VWC2: variants seen among roughly 807,000 people sequenced by gnomAD.
VWC2 encodes the protein brorin.
VWC2 carries 14 observed loss-of-function variants against 29.8 expected under a neutral mutation model. The ratio of observed to expected loss-of-function variants is 0.47; its 90% CI spans 0.31 to 0.74. VWC2 has a LOEUF of 0.74. VWC2 is among the 30% of genes least tolerant of loss of function. VWC2 has a pLI of 0.05. For synonymous variants in VWC2, 213 were observed against 199.0 expected, an observed-to-expected ratio of 1.07 and a Z score of -0.59; for missense variants, 457 against 459.8, an observed-to-expected ratio of 0.99 and a Z score of 0.05.
chr7:49,899,764 G>A (rs12673374), intron 3 of VWC2, among the ~76,000 whole-genome samples: 28,669 of 151,680 alleles, frequency 0.19, 3,793 homozygotes, highest in East Asian at 0.64. Flanking sequence ...GTATAGATTC[G>A]GGAAGCTGAA....
In VWC2 at chr7:49,916,564, T is replaced by G. The variant is rs1211504458; in HGVS notation, c.*4379T>G. The G allele has an allele frequency of 1.3e-5, 2 of 152,242 alleles. No individual in the cohort carries two copies. Among genetic ancestry groups the G allele is most frequent in the African/African-American group, 4.8e-5 (2 of 41,474 alleles). 9.4% of individuals were successfully genotyped at this position (152,242 alleles called of 1,614,324 possible). A position where few individuals can be genotyped will look rare whatever the true frequency, so the allele number is the denominator to read the frequency against. On this transcript the variant is annotated 3_prime_UTR_variant, in exon 4 of 4. Coordinates refer to ENST00000340652, the MANE Select transcript of VWC2 (RefSeq NM_198570.5). ...TACCATAGTTTGCATAATGGTTAAT[T>G]TTATGCCTGCTTCTTCTATTATTTA... is the stretch of plus-strand genomic sequence containing the variant.
intron 3 of VWC2, among the ~76,000 whole-genome samples, chr7:49,838,781 A>C (rs1789726138): frequency 1.3e-5 from 2 of 152,192 alleles, no homozygotes; most frequent in Admixed American, 1.3e-4. Context: ...TAAATCATTT[A>C]AGCCTTACAG....
intron 3 of VWC2, among the ~76,000 whole-genome samples, chr7:49,816,843 C>A (rs1789157865): frequency 6.6e-6 from 1 of 152,114 alleles, no homozygotes; most frequent in African/African-American, 2.4e-5. Context: ...AATTTGCTTC[C>A]CCTCTTCAGT....
Position 49,847,960 on chromosome 7 carries a change from C to T in VWC2, c.826+45120C>T, listed in dbSNP as rs542046176. On this transcript the variant is annotated intron_variant, in intron 3 of 3. Transcript: ENST00000340652. Reference sequence around the variant, plus strand: ...GCACTGGGAGGGGCAGTCCCTCCAACGTCAGCAAGGCTCAATGTCAAAGCA... The same window carrying T: ...GCACTGGGAGGGGCAGTCCCTCCAATGTCAGCAAGGCTCAATGTCAAAGCA... 6.6e-5 allele frequency among the ~76,000 whole-genome samples: 10 copies of T among 152,284 alleles called. 1 individual carries two copies. The South Asian group carries it at 1.0e-3, about 16-fold the overall frequency.
Position 49,915,285 on chromosome 7 carries a change from G to C in VWC2, c.*3100G>C, listed in dbSNP as rs1388319967. 2 of 152,204 alleles carry C rather than the reference G, an allele frequency of 1.3e-5. No individual in the cohort carries two copies. The highest frequency in any genetic ancestry group is 4.8e-5 in the African/African-American group (2 of 41,454). 9.4% of individuals were successfully genotyped at this position (152,204 alleles called of 1,614,324 possible). On this transcript the variant is annotated 3_prime_UTR_variant, in exon 4 of 4. Coordinates refer to ENST00000340652, the MANE Select transcript of VWC2 (RefSeq NM_198570.5). ...TATAATGTTGCAGCTAGTGCAGATG[G>C]AGAGGCACAGTGTCCTTGACATCAA...
At chr7:49,878,982 C>T (rs1040690984) in intron 3 of VWC2, among the ~76,000 whole-genome samples, 3 of 152,140 alleles carry the variant, frequency 2.0e-5, no homozygotes, top group Non-Finnish European at 2.9e-5. Flanking sequence ...GGTCTTCCCA[C>T]GATATTCTTT....
chr7:49,826,267 T>G (rs1487309828), intron 3 of VWC2, among the ~76,000 whole-genome samples: 1 of 152,132 alleles, frequency 6.6e-6, no homozygotes, highest in Non-Finnish European at 1.5e-5. Context: ...CCATTTTTAG[T>G]CTCCAAGAAA....
rs574011222 is a variant in VWC2, at chr7:49,882,803, C to A, written c.827-29231C>A. On this transcript the variant is annotated intron_variant, in intron 3 of 3. Transcript: ENST00000340652. Reference sequence around the variant, plus strand: ...CAACTTTTTTTTCTAAAAGGAAATTCAAGTCATTTATAAGTTTCAACTACA... The same window carrying A: ...CAACTTTTTTTTCTAAAAGGAAATTAAAGTCATTTATAAGTTTCAACTACA... 1.8e-4 allele frequency among the ~76,000 whole-genome samples: 27 copies of A among 152,178 alleles called. No homozygotes were observed. In the East Asian group the frequency reaches 5.0e-3, roughly 28 times the overall value.
rs369777825 is a variant in VWC2, at chr7:49,917,507, C to T, written c.*5322C>T. ...CTTTCCTTTAAAGTTCAGAAAAGTA[C>T]ATAAAACCTCTGGCTGACCTATTAT... is the stretch of plus-strand genomic sequence containing the variant. On this transcript the variant is annotated 3_prime_UTR_variant, in exon 4 of 4. Coordinates refer to ENST00000340652, the MANE Select transcript of VWC2 (RefSeq NM_198570.5). 28 of 152,254 alleles carry T rather than the reference C, an allele frequency of 1.8e-4. 1 individual carries two copies. In the South Asian group the frequency reaches 5.8e-3, roughly 32 times the overall value. The allele number at this position is 152,254 out of a possible 1,614,324, so 9.4% of individuals were successfully genotyped here.
chr7:49,802,616 C>A, intron 2 of VWC2, 95 bp from the exon 3 acceptor site: 3 of 1,518,232 alleles, frequency 2.0e-6, no homozygotes, highest in Admixed American at 3.5e-5. Context: ...CCAGTGTGAG[C>A]GACAGAGCGA....
At chr7:49,823,822 C>A (rs1789326173) in intron 3 of VWC2, among the ~76,000 whole-genome samples, 1 of 152,138 alleles carries the variant, frequency 6.6e-6, no homozygotes, top group African/African-American at 2.4e-5. Context: ...GTCTAGTGCA[C>A]CTTAATATGC....
chr7:49,915,660 A>G lies in VWC2; in HGVS notation c.*3475A>G, dbSNP rs1793681494. On this transcript the variant is annotated 3_prime_UTR_variant, in exon 4 of 4. Coordinates refer to ENST00000340652, the MANE Select transcript of VWC2 (RefSeq NM_198570.5). ...TTGGAAACTAAATCCATTATTTTAAATGTGGACTATTTAAACATGTAGAAA... is the reference window on the plus strand; with the variant it reads ...TTGGAAACTAAATCCATTATTTTAAGTGTGGACTATTTAAACATGTAGAAA... The G allele has an allele frequency of 1.3e-5, 2 of 152,200 alleles. No homozygotes were observed. The highest frequency in any genetic ancestry group is 2.9e-5 in the Non-Finnish European group (2 of 68,028). 9.4% of individuals were successfully genotyped at this position (152,200 alleles called of 1,614,324 possible). A position where few individuals can be genotyped will look rare whatever the true frequency, so the allele number is the denominator to read the frequency against.
intron 2 of VWC2, among the ~76,000 whole-genome samples, chr7:49,798,488 T>C (rs1184406057): frequency 1.3e-5 from 2 of 152,214 alleles, no homozygotes; most frequent in Non-Finnish European, 2.9e-5. Context: ...AGCCTCTCTG[T>C]ATCTCAGGAG....
intron 3 of VWC2, among the ~76,000 whole-genome samples, chr7:49,874,478 TAAC>T (rs564678046): frequency 3.0e-4 from 46 of 152,186 alleles, no homozygotes; most frequent in Admixed American, 7.2e-4. Flanking sequence ...GATGTTCACA[TAAC>T]AACAAGATCA....
chr7:49,831,072 G>A (rs1241735385), intron 3 of VWC2, among the ~76,000 whole-genome samples: 3 of 152,014 alleles, frequency 2.0e-5, no homozygotes, highest in African/African-American at 4.8e-5. Context: ...ACAGTGCCAC[G>A]TGCTTGTCTG....
At chr7:49,788,476 AGT>A (rs1788352971) in intron 2 of VWC2, among the ~76,000 whole-genome samples, 2 of 141,894 alleles carry the variant, frequency 1.4e-5, no homozygotes, top group African/African-American at 5.2e-5. Context: ...TGTGAGAGAG[AGT>A]GTGTGGGTGT....
rs920563376 is a variant in VWC2 at position 49,914,102 on chromosome 7, T to C, written c.*1917T>C. 6.6e-6 allele frequency: 1 copy of C among 152,212 alleles called. No homozygotes were observed. Among genetic ancestry groups the C allele is most frequent in the East Asian group, 1.9e-4 (1 of 5,200 alleles). 9.4% of individuals were successfully genotyped at this position (152,212 alleles called of 1,614,324 possible). A position where few individuals can be genotyped will look rare whatever the true frequency, so the allele number is the denominator to read the frequency against. On this transcript the variant is annotated 3_prime_UTR_variant, in exon 4 of 4. Coordinates refer to ENST00000340652, the MANE Select transcript of VWC2 (RefSeq NM_198570.5). ...ATCCCTCCTTTATTCAAGGATGGAT[T>C]GTTTGAGACACAGTTATTTAAAGTT... is the stretch of plus-strand genomic sequence containing the variant.
chr7:49,880,930 T>G (rs1448392516), intron 3 of VWC2, among the ~76,000 whole-genome samples: 1 of 152,192 alleles, frequency 6.6e-6, no homozygotes, highest in Admixed American at 6.5e-5. Context: ...GGTGGCATGA[T>G]GTAATCATCA....
rs566658556 is a variant in VWC2 at position 49,820,155 on chromosome 7, G to A, written c.826+17315G>A. Among the ~76,000 whole-genome samples the A allele has an allele frequency of 5.8e-4, 89 of 152,186 alleles. 1 individual carries two copies. Among genetic ancestry groups the A allele is most frequent in the African/African-American group, 2.0e-3 (84 of 41,518 alleles). On this transcript the variant is annotated intron_variant, in intron 3 of 3. Transcript: ENST00000340652. ...GATTGATGATGATTTCTTACCTCTTGTAAACATTAGGTAGGTGCCATTACT... is the reference window on the plus strand; with the variant it reads ...GATTGATGATGATTTCTTACCTCTTATAAACATTAGGTAGGTGCCATTACT...
Sources: allele counts gnomAD v4.1 joint callset (sites outside exome capture counted in the v4.1 genomes callset), GRCh38; gene constraint gnomAD v4.1.1; transcripts MANE v1.5; gene names NCBI Gene and HGNC (gene_info 2026-07-23, HGNC 2026-07-21).